FMN2: variants seen among roughly 807,000 people sequenced by gnomAD.
FMN2 encodes formin-2.
FMN2 carries 51 observed loss-of-function variants against 142.3 expected under a neutral mutation model. That is an observed-to-expected ratio of 0.36 (90% CI 0.29 to 0.45). FMN2 has a LOEUF of 0.45. Ranked by LOEUF, FMN2 falls within the 20% of genes least tolerant of loss-of-function variation. FMN2 has a pLI of 1.00. For missense variants in FMN2, 1,936 were observed against 2,122.8 expected (o/e 0.91, Z 1.73); for synonymous variants, 882 against 869.8 (o/e 1.01, Z -0.25).
chr1:240,097,429 C>T (rs1334994799), intron 1 of FMN2, among the ~76,000 whole-genome samples: 1 of 151,096 alleles, frequency 6.6e-6, no homozygotes, highest in Non-Finnish European at 1.5e-5. Context: ...GACTTCTGCT[C>T]ACTGCAAGCT....
At chr1:240,226,349 C>T (rs148439050) in intron 6 of FMN2, among the ~76,000 whole-genome samples, 2 of 152,120 alleles carry the variant, frequency 1.3e-5, no homozygotes, top group African/African-American at 4.8e-5. Flanking sequence ...GCAGACTTAT[C>T]AGAATTAATG....
At chr1:240,258,060 C>T (rs748640116) in intron 7 of FMN2, 28 bp downstream of exon 7, 19 of 1,551,792 alleles carry the variant, frequency 1.2e-5, no homozygotes, top group Non-Finnish European at 1.7e-5. Flanking sequence ...AATTTAGCTT[C>T]TGAATATTAA....
chr1:240,463,308 C>T (rs1572341129), intron 16 of FMN2, among the ~76,000 whole-genome samples: 1 of 152,236 alleles, frequency 6.6e-6, no homozygotes, highest in East Asian at 1.9e-4. Flanking sequence ...AACTTGTTAA[C>T]TCTTTGCGTA....
At chr1:240,306,498 T>C (rs1163708375) in intron 8 of FMN2, among the ~76,000 whole-genome samples, 1 of 152,132 alleles carries the variant, frequency 6.6e-6, no homozygotes, top group African/African-American at 2.4e-5. Context: ...AACTCCTACT[T>C]GTAAGTGAGA....
At chr1:240,153,608 C>T (rs1161523367) in intron 2 of FMN2, among the ~76,000 whole-genome samples, 1 of 151,974 alleles carries the variant, frequency 6.6e-6, no homozygotes, top group Non-Finnish European at 1.5e-5. Context: ...AAGTGATCCT[C>T]TCAGCTCGAA....
chr1:240,225,742 T>G lies in FMN2; in HGVS notation c.4065+14507T>G, dbSNP rs562239427. Among the ~76,000 whole-genome samples the G allele has an allele frequency of 1.1e-4, 16 of 152,222 alleles. No homozygotes were observed. In the South Asian group the frequency reaches 2.5e-3, roughly 24 times the overall value. On this transcript the variant is annotated intron_variant, in intron 6 of 17. Transcript: ENST00000319653. ...ATTCAAAAGGACCCAGATGTTAGAC[T>G]TAACAAAGAACTCAACGCACCCATT... is the stretch of plus-strand genomic sequence containing the variant.
At chr1:240,208,786 G>A in intron 5 of FMN2, 54 bp downstream of exon 5, 1 of 1,520,618 alleles carries the variant, frequency 6.6e-7, no homozygotes, top group Admixed American at 2.1e-5. Context: ...TTAGGGAAGT[G>A]TTTACCTTCA....
In FMN2 at chr1:240,453,812, A is replaced by C. The variant is rs1453045607; in HGVS notation, c.5060+15602A>C. Among the ~76,000 whole-genome samples, 2 of 27,326 alleles carry C rather than the reference A, an allele frequency of 7.3e-5. 1 individual carries two copies. Among genetic ancestry groups the C allele is most frequent in the African/African-American group, 2.1e-4 (2 of 9,594 alleles). 17.9% of individuals were successfully genotyped at this position (27,326 alleles called of 152,430 possible). A position where few individuals can be genotyped will look rare whatever the true frequency, so the allele number is the denominator to read the frequency against. On this transcript the variant is annotated intron_variant, in intron 16 of 17. Coordinates refer to ENST00000319653, the MANE Select transcript of FMN2 (RefSeq NM_020066.5). ...AGACCATCCTGGCTAACAAGGTGAA[A>C]CCCCGTCTCTACTAAAAAGACAAAA...
intron 16 of FMN2, among the ~76,000 whole-genome samples, chr1:240,444,262 G>T (rs1018000798): frequency 6.6e-6 from 1 of 152,202 alleles, no homozygotes; most frequent in Non-Finnish European, 1.5e-5. Context: ...GCACTGGTTG[G>T]TGTATCATGC....
At chr1:240,225,580 G>A (rs1331523588) in intron 6 of FMN2, among the ~76,000 whole-genome samples, 3 of 152,162 alleles carry the variant, frequency 2.0e-5, no homozygotes, top group African/African-American at 4.8e-5. Flanking sequence ...TCTGGGGCAG[G>A]GAAGGGAAAA....
chr1:240,228,927 G>C (rs952962435), intron 6 of FMN2, among the ~76,000 whole-genome samples: 2 of 152,012 alleles, frequency 1.3e-5, no homozygotes, highest in Non-Finnish European at 2.9e-5. Flanking sequence ...TTGATGAAGA[G>C]ACTAAAGATA....
At chr1:240,208,851 T>C (rs1666563508) in intron 5 of FMN2, 119 bp downstream of exon 5, 1 of 1,321,900 alleles carries the variant, frequency 7.6e-7, no homozygotes, top group South Asian at 1.5e-5. Context: ...AAAACTCGTC[T>C]AGATTTTTAC....
intron 13 of FMN2, among the ~76,000 whole-genome samples, chr1:240,355,121 C>A (rs552300496): frequency 6.6e-6 from 1 of 152,102 alleles, no homozygotes; most frequent in Non-Finnish European, 1.5e-5. Context: ...TATGAATTTG[C>A]TGCATATTAT....
At chr1:240,300,900 T>TC (rs1307079120) in intron 8 of FMN2, among the ~76,000 whole-genome samples, 1 of 150,048 alleles carries the variant, frequency 6.7e-6, no homozygotes, top group African/African-American at 2.5e-5. Flanking sequence ...GTGTGCATGT[T>TC]TTTTTTTTTT....
rs377494528 is a variant in FMN2, at chr1:240,185,176, T to C, written c.1931-3031T>C. Among the ~76,000 whole-genome samples, 87 of 125,270 alleles carry C rather than the reference T, an allele frequency of 6.9e-4. 2 individuals carry two copies. The highest frequency in any genetic ancestry group is 1.6e-3 in the African/African-American group (50 of 31,722). 82.2% of individuals were successfully genotyped at this position (125,270 alleles called of 152,430 possible). Reference sequence around the variant, plus strand: ...CTTCTCTTTCTCCCTCCTACACCTTTCCCCTTCTCTTTCTCCCTCCTATAC... The same window carrying C: ...CTTCTCTTTCTCCCTCCTACACCTTCCCCCTTCTCTTTCTCCCTCCTATAC... On this transcript the variant is annotated intron_variant, in intron 3 of 17. Transcript: ENST00000319653.
Position 240,406,926 on chromosome 1 carries a change from G to T in FMN2, c.4910+14364G>T, listed in dbSNP as rs77607393. ...GAAAAGAGAAAATTTGGAGTATATT[G>T]AGTGAACTTGTTTAAATTGAAGTTT... On this transcript the variant is annotated intron_variant, in intron 15 of 17. Coordinates refer to ENST00000319653, the MANE Select transcript of FMN2 (RefSeq NM_020066.5). Among the ~76,000 whole-genome samples the T allele has an allele frequency of 3.9e-3, 593 of 152,282 alleles. 10 individuals are homozygous for T. In the East Asian group the frequency reaches 0.069, roughly 18 times the overall value.
chr1:240,343,747 T>A (rs1399723727), intron 13 of FMN2, among the ~76,000 whole-genome samples: 1 of 152,092 alleles, frequency 6.6e-6, no homozygotes, highest in Non-Finnish European at 1.5e-5. Context: ...TTTGCAGCAA[T>A]CTGACATGAT....
At chr1:240,289,078 C>A (rs759669804) in intron 7 of FMN2, among the ~76,000 whole-genome samples, 1 of 152,136 alleles carries the variant, frequency 6.6e-6, no homozygotes, top group Admixed American at 6.5e-5. Context: ...ACTTGCCCTG[C>A]AGAAATGAAT....
chr1:240,275,083 T>G lies in FMN2; in HGVS notation c.4153+17051T>G, dbSNP rs1483992318. Among the ~76,000 whole-genome samples the G allele has an allele frequency of 8.0e-5, 7 of 87,790 alleles. No individual in the cohort carries two copies. The Admixed American group carries it at 9.8e-4, about 12-fold the overall frequency. The allele number at this position is 87,790 out of a possible 152,430, so 57.6% of individuals were successfully genotyped here. ...GAAAGGGTGTTCTTTTTTTTAAGTT[T>G]TTTTTTTTTTTTGTCTTTTATTATA... On this transcript the variant is annotated intron_variant, in intron 7 of 17. Coordinates refer to ENST00000319653, the MANE Select transcript of FMN2 (RefSeq NM_020066.5).
Sources: allele counts gnomAD v4.1 joint callset (sites outside exome capture counted in the v4.1 genomes callset), GRCh38; gene constraint gnomAD v4.1.1; transcripts MANE v1.5; gene names NCBI Gene and HGNC (gene_info 2026-07-23, HGNC 2026-07-21).